Variants in PDZRN4 observed in about 807,000 individuals in gnomAD.
The protein encoded by PDZRN4 is PDZ domain containing ring finger 4.
A neutral mutation model predicts 99.0 loss-of-function variants in PDZRN4; 70 were observed. That is an observed-to-expected ratio of 0.71 (90% CI 0.58 to 0.86). PDZRN4 has a LOEUF of 0.86. Ranked by LOEUF, PDZRN4 falls within the 40% of genes least tolerant of loss-of-function variation. PDZRN4 has a pLI of 0.00. For synonymous variants in PDZRN4, 551 were observed against 501.6 expected (o/e 1.10, Z -1.32); for missense variants, 1,474 against 1,331.2 (o/e 1.11, Z -1.67).
chr12:41,408,272 A>G (rs1057432017), intron 3 of PDZRN4, among the ~76,000 whole-genome samples: 2 of 152,274 alleles, frequency 1.3e-5, no homozygotes, highest in African/African-American at 2.4e-5. Flanking sequence ...TGATTCATGC[A>G]TTATGAAAAG....
At chr12:41,435,752 C>A (rs538760847) in intron 3 of PDZRN4, among the ~76,000 whole-genome samples, 2 of 152,238 alleles carry the variant, frequency 1.3e-5, no homozygotes, top group South Asian at 2.1e-4. Flanking sequence ...GGCACCACTG[C>A]ACTCCACTCT....
Position 41,188,720 on chromosome 12 carries a change from G to T in PDZRN4, c.265G>T (p.Gly89Cys), listed in dbSNP as rs1178828689. The change falls in exon 1 of 10, where the codon GGC becomes TGC. Residue 89 changes from glycine (G) to cysteine (C), a missense_variant. Gly to Cys is a radical substitution (Grantham distance 159). Transcript: ENST00000402685. ...GTGCGACTACCGCGCCCGCGGCTGCGGCCACTCGGTCAGGCTGCACGAGCT... is the reference window on the plus strand; with the variant it reads ...GTGCGACTACCGCGCCCGCGGCTGCTGCCACTCGGTCAGGCTGCACGAGCT... ...VQCDYRARGC[G>C]HSVRLHELEA... is the part of the protein sequence containing the mutation. 1 of 1,557,412 alleles carries T rather than the reference G, an allele frequency of 6.4e-7. No individual in the cohort carries two copies. The highest frequency in any genetic ancestry group is 2.4e-5 in the East Asian group (1 of 41,706).
chr12:41,413,912 G>A (rs768888408), intron 3 of PDZRN4, among the ~76,000 whole-genome samples: 2 of 152,018 alleles, frequency 1.3e-5, no homozygotes, highest in Non-Finnish European at 2.9e-5. Context: ...AAGAATCTGT[G>A]GGCTATGTAC....
chr12:41,462,689 A>G (rs1952883245), intron 3 of PDZRN4, among the ~76,000 whole-genome samples: 1 of 152,224 alleles, frequency 6.6e-6, no homozygotes, highest in Admixed American at 6.5e-5. Context: ...AAGTTTAAAA[A>G]ATGTGAATTT....
chr12:41,404,396 T>A (rs1952327895), intron 3 of PDZRN4, among the ~76,000 whole-genome samples: 2 of 151,808 alleles, frequency 1.3e-5, no homozygotes, highest in African/African-American at 4.8e-5. Flanking sequence ...AAAAACACAA[T>A]CTCCTTTACA....
chr12:41,252,268 G>A (rs938589675), intron 3 of PDZRN4, among the ~76,000 whole-genome samples: 1 of 152,094 alleles, frequency 6.6e-6, no homozygotes, highest in African/African-American at 2.4e-5. Context: ...AAACATAGGA[G>A]GGTGCTCTTT....
At chr12:41,192,864 T>A (rs1950744051) in intron 2 of PDZRN4, among the ~76,000 whole-genome samples, 1 of 152,262 alleles carries the variant, frequency 6.6e-6, no homozygotes, top group Non-Finnish European at 1.5e-5. Context: ...ATACTGTAGT[T>A]GCAAAGTTCT....
At chr12:41,236,170 T>C (rs553539434) in intron 3 of PDZRN4, among the ~76,000 whole-genome samples, 1 of 152,212 alleles carries the variant, frequency 6.6e-6, no homozygotes, top group South Asian at 2.1e-4. Flanking sequence ...ATAACACAGA[T>C]AAAAGTAAAT....
In PDZRN4 at chr12:41,253,135, G is replaced by A. The variant is rs556388086; in HGVS notation, c.843+58947G>A. ...CTATTGATTATCATTTTACTTTGTT[G>A]ATTGTTTCCCTTGCTGTGCAGGAGC... is the stretch of plus-strand genomic sequence containing the variant. On this transcript the variant is annotated intron_variant, in intron 3 of 9. Coordinates refer to ENST00000402685, the MANE Select transcript of PDZRN4 (RefSeq NM_001164595.2). 1.1e-3 allele frequency among the ~76,000 whole-genome samples: 162 copies of A among 152,286 alleles called. 1 individual carries two copies. The highest frequency in any genetic ancestry group is 1.9e-3 in the Non-Finnish European group (127 of 68,004).
intron 3 of PDZRN4, among the ~76,000 whole-genome samples, chr12:41,314,236 G>A (rs1199582197): frequency 6.6e-6 from 1 of 152,070 alleles, no homozygotes; most frequent in East Asian, 1.9e-4. Context: ...CTTTTCATAG[G>A]TGATCCCTAT....
chr12:41,350,720 A>C (rs10748302), intron 3 of PDZRN4, among the ~76,000 whole-genome samples: 44,509 of 152,016 alleles, frequency 0.29, 7,461 homozygotes, highest in Non-Finnish European at 0.39. Context: ...AAATACAGTA[A>C]TAGTAGCTTA....
intron 3 of PDZRN4, among the ~76,000 whole-genome samples, chr12:41,245,821 A>T (rs1053778118): frequency 1.3e-5 from 2 of 152,200 alleles, no homozygotes; most frequent in Non-Finnish European, 2.9e-5. Flanking sequence ...AATGGAGAGC[A>T]AAAGAAGGGC....
chr12:41,234,624 A>G (rs1359046631), intron 3 of PDZRN4, among the ~76,000 whole-genome samples: 2 of 152,152 alleles, frequency 1.3e-5, no homozygotes, highest in Non-Finnish European at 2.9e-5. Flanking sequence ...TTTGCGGTTC[A>G]TCTAAATGTA....
chr12:41,449,266 A>C (rs1952754954), intron 3 of PDZRN4, among the ~76,000 whole-genome samples: 1 of 152,040 alleles, frequency 6.6e-6, no homozygotes, highest in African/African-American at 2.4e-5. Flanking sequence ...TTTCCAAGGT[A>C]CCCAGTTCAT....
intron 3 of PDZRN4, among the ~76,000 whole-genome samples, chr12:41,309,673 A>G (rs1261269265): frequency 6.6e-6 from 1 of 152,178 alleles, no homozygotes; most frequent in East Asian, 1.9e-4. Context: ...TAATATGTAA[A>G]GCCTTGATAT....
intron 5 of PDZRN4, among the ~76,000 whole-genome samples, chr12:41,510,263 T>G (rs572645549): frequency 6.6e-6 from 1 of 152,250 alleles, no homozygotes; most frequent in East Asian, 1.9e-4. Flanking sequence ...TATTTTCATT[T>G]GTTGTATAAT....
intron 3 of PDZRN4, among the ~76,000 whole-genome samples, chr12:41,217,894 A>G (rs1418700605): frequency 6.6e-6 from 1 of 152,094 alleles, no homozygotes. Context: ...AAATACTGAA[A>G]AAAGATACCA....
intron 3 of PDZRN4, among the ~76,000 whole-genome samples, chr12:41,336,095 T>A (rs1951771646): frequency 6.6e-6 from 1 of 152,072 alleles, no homozygotes; most frequent in East Asian, 1.9e-4. Flanking sequence ...CATTCAAAAG[T>A]TTTTATTGCA....
At chr12:41,253,626 A>T (rs1341200378) in intron 3 of PDZRN4, among the ~76,000 whole-genome samples, 1 of 152,206 alleles carries the variant, frequency 6.6e-6, no homozygotes, top group Non-Finnish European at 1.5e-5. Flanking sequence ...TGATCCAGCA[A>T]TTTCACTACT....
Sources: gnomAD v4.1 joint callset for allele counts (sites outside exome capture counted in the v4.1 genomes callset) on GRCh38, gnomAD v4.1.1 for gene constraint, MANE v1.5 for transcripts, NCBI Gene and HGNC (gene_info 2026-07-23, HGNC 2026-07-21) for gene names.